The following SEC23B variants were observed in gnomAD, a reference collection of about 807,000 sequenced individuals.
SEC23B encodes protein transport protein Sec23B.
A neutral mutation model predicts 104.3 loss-of-function variants in SEC23B; 77 were observed. That is an observed-to-expected ratio of 0.74 (90% CI 0.61 to 0.89). The LOEUF (loss-of-function observed/expected upper bound fraction) is 0.89. Ranked by LOEUF, SEC23B falls within the 40% of genes least tolerant of loss-of-function variation. The pLI is 0.00. For missense variants in SEC23B, 885 were observed against 949.4 expected (o/e 0.93, Z 0.89); for synonymous variants, 338 against 332.5 (o/e 1.02, Z -0.18).
chr20:18,553,308 T>C (rs1421279813), intron 17 of SEC23B, among the ~76,000 whole-genome samples: 1 of 152,208 alleles, frequency 6.6e-6, no homozygotes. Context: ...AAACGGTAAC[T>C]GCTACTTTGA....
At chr20:18,531,297 G>C (rs114462872) in intron 10 of SEC23B, among the ~76,000 whole-genome samples, 1,663 of 152,292 alleles carry the variant, frequency 0.011, 36 homozygotes, top group African/African-American at 0.038. Context: ...CATCAGCATG[G>C]CTCACTGCAT....
Position 18,515,633 on chromosome 20 carries a change from T to C in SEC23B, c.280-17T>C. The C allele has an allele frequency of 7.3e-6, 11 of 1,504,370 alleles. No homozygotes were observed. The highest frequency in any genetic ancestry group is 1.0e-5 in the Non-Finnish European group (11 of 1,079,994). 93.2% of individuals were successfully genotyped at this position (1,504,370 alleles called of 1,614,324 possible). A position where few individuals can be genotyped will look rare whatever the true frequency, so the allele number is the denominator to read the frequency against. ...ATAGTTATGCCAACCCTAATAAAACTGTTTCCTTCTTTTCAGTTTCCTCCA... is the reference window on the plus strand; with the variant it reads ...ATAGTTATGCCAACCCTAATAAAACCGTTTCCTTCTTTTCAGTTTCCTCCA... On this transcript the variant is annotated splice_polypyrimidine_tract_variant and intron_variant, in intron 3 of 19. Transcript: ENST00000650089.
chr20:18,560,500 G>A, intron 19 of SEC23B, 151 bp from the exon 20 acceptor site: 1 of 700,054 alleles, frequency 1.4e-6, no homozygotes, highest in Non-Finnish European at 2.6e-6. Flanking sequence ...GTCAAAAGAA[G>A]TTGTTCGTGA....
At chr20:18,509,191 C>T (rs2059959896) in intron 1 of SEC23B, among the ~76,000 whole-genome samples, 1 of 152,190 alleles carries the variant, frequency 6.6e-6, no homozygotes, top group African/African-American at 2.4e-5. Flanking sequence ...GCTTCAGGTT[C>T]TTGCCGTTGC....
chr20:18,554,826 C>CAAAAA (rs34982139), intron 18 of SEC23B, among the ~76,000 whole-genome samples: 2 of 120,272 alleles, frequency 1.7e-5, no homozygotes, highest in Admixed American at 8.7e-5. Flanking sequence ...GACTCCGTCT[C>CAAAAA]AAAAAAAAAA....
At chr20:18,526,745 A>T (rs1272402177) in intron 8 of SEC23B, among the ~76,000 whole-genome samples, 3 of 152,208 alleles carry the variant, frequency 2.0e-5, no homozygotes, top group African/African-American at 7.2e-5. Context: ...AAGGGTTTTG[A>T]GAATGAAAAC....
chr20:18,527,843 C>A (rs1278230052), intron 9 of SEC23B, among the ~76,000 whole-genome samples: 2 of 152,204 alleles, frequency 1.3e-5, no homozygotes. Flanking sequence ...TAACTTATTT[C>A]TTCCTTAGAG....
intron 19 of SEC23B, among the ~76,000 whole-genome samples, chr20:18,557,116 G>T (rs1463991062): frequency 6.6e-6 from 1 of 152,180 alleles, no homozygotes; most frequent in Non-Finnish European, 1.5e-5. Context: ...TGTAATTAAT[G>T]ATATGTTAGG....
At chr20:18,525,154 A>G in intron 6 of SEC23B, 134 bp downstream of exon 6, 2 of 907,442 alleles carry the variant, frequency 2.2e-6, no homozygotes, top group Non-Finnish European at 3.5e-6. Context: ...AGCCTAATCA[A>G]TATTCAGTGT....
intron 10 of SEC23B, among the ~76,000 whole-genome samples, 155 bp from the exon 11 acceptor site, chr20:18,532,509 A>G (rs2060196120): frequency 6.6e-6 from 1 of 152,228 alleles, no homozygotes; most frequent in African/African-American, 2.4e-5. Flanking sequence ...GGCTGAGGAA[A>G]AGTTTGTAGG....
At chr20:18,515,818 C>T (rs926137169) in intron 4 of SEC23B, 82 bp downstream of exon 4, 1 of 918,530 alleles carries the variant, frequency 1.1e-6, no homozygotes, top group Non-Finnish European at 1.8e-6. Context: ...TGTCTCTTAC[C>T]TGGGCAGGGG....
At position 18,510,929 on chromosome 20, in the gene SEC23B, A is replaced by G; in HGVS notation, c.94A>G (p.Thr32Ala). Reference sequence around the variant, plus strand: ...GTGGCCTTCCAGCCGGCTGGAGGCTACAAGAATGGTTGTACCCCTGGCTTG... The same window carrying G: ...GTGGCCTTCCAGCCGGCTGGAGGCTGCAAGAATGGTTGTACCCCTGGCTTG... ...NVWPSSRLEA[T>A]RMVVPLACLL... Residue 32 changes from threonine (T) to alanine (A), a missense_variant, in exon 2 of 20, where the codon ACA becomes GCA. Transcript: ENST00000650089. The G allele has an allele frequency of 5.0e-6, 8 of 1,614,126 alleles. No individual in the cohort carries two copies. The highest frequency in any genetic ancestry group is 5.9e-6 in the Non-Finnish European group (7 of 1,179,996).
chr20:18,559,315 A>G lies in SEC23B; in HGVS notation c.2215-1336A>G, dbSNP rs541288651. On this transcript the variant is annotated intron_variant, in intron 19 of 19. Transcript: ENST00000650089. ...TCCTCCAGGCCTCTGAGGCCACCCCAGTAGGCAGGCGGAGGGACATATATT... is the reference window on the plus strand; with the variant it reads ...TCCTCCAGGCCTCTGAGGCCACCCCGGTAGGCAGGCGGAGGGACATATATT... Among the ~76,000 whole-genome samples the G allele has an allele frequency of 3.7e-4, 57 of 152,296 alleles. 1 individual carries two copies. In the South Asian group the frequency reaches 8.3e-3, roughly 22 times the overall value.
chr20:18,555,228 T>A, intron 19 of SEC23B, 55 bp downstream of exon 19: 2 of 1,406,856 alleles, frequency 1.4e-6, no homozygotes, highest in Non-Finnish European at 2.0e-6. Context: ...TTTTTAAACT[T>A]GTTTTAAAAT....
rs139738956 is a variant in SEC23B, at chr20:18,510,761, T to G, written c.-14-61T>G. 1.3e-4 allele frequency: 170 copies of G among 1,336,892 alleles called. No individual in the cohort carries two copies. The East Asian group carries it at 3.9e-3, about 30-fold the overall frequency. 82.8% of individuals were successfully genotyped at this position (1,336,892 alleles called of 1,614,324 possible). On this transcript the variant is annotated intron_variant, in intron 1 of 19. Coordinates refer to ENST00000650089, the MANE Select transcript of SEC23B (RefSeq NM_006363.6). ...CACTGTGTTACATGACCCATCTTCT[T>G]TTTTTGACATTTAGTTCAGAATTTC...
chr20:18,520,415 G>T (rs2060072431), intron 4 of SEC23B, among the ~76,000 whole-genome samples: 1 of 151,014 alleles, frequency 6.6e-6, no homozygotes, highest in South Asian at 2.1e-4. Context: ...TTGCCAGAGA[G>T]AGTGGAGGTA....
intron 1 of SEC23B, 35 bp downstream of exon 1, chr20:18,508,007 G>A (rs1451759113): frequency 1.3e-5 from 2 of 152,790 alleles, no homozygotes; most frequent in Non-Finnish European, 2.9e-5. Flanking sequence ...GGGGCGCATA[G>A]GTGACGGAGG....
At chr20:18,551,575 G>C (rs934421335) in intron 17 of SEC23B, among the ~76,000 whole-genome samples, 6 of 152,130 alleles carry the variant, frequency 3.9e-5, no homozygotes, top group South Asian at 2.1e-4. Context: ...TTAGCCAGGC[G>C]TGGTGGCACA....
At chr20:18,522,240 G>T (rs2060090499) in intron 4 of SEC23B, among the ~76,000 whole-genome samples, 2 of 152,342 alleles carry the variant, frequency 1.3e-5, no homozygotes, top group South Asian at 4.1e-4. Flanking sequence ...CCAAGGGAAT[G>T]TGGGTGAATG....
Sources: allele counts gnomAD v4.1 joint callset (sites outside exome capture counted in the v4.1 genomes callset), GRCh38; gene constraint gnomAD v4.1.1; transcripts MANE v1.5; gene names NCBI Gene and HGNC (gene_info 2026-07-23, HGNC 2026-07-21).